Variants in ZNF385D observed in about 807,000 individuals in gnomAD.
The protein encoded by ZNF385D is zinc finger protein 659.
Under a neutral mutation model 35.8 loss-of-function variants are expected in ZNF385D, and 15 were observed. The ratio of observed to expected loss-of-function variants is 0.42; its 90% CI spans 0.28 to 0.64. The LOEUF is 0.64. Among genes scored for constraint, ZNF385D ranks in the 30% least tolerant of loss-of-function variants. The pLI is 0.23. For missense variants in ZNF385D, 474 were observed against 494.6 expected, an observed-to-expected ratio of 0.96 and a Z score of 0.39; for synonymous variants, 212 against 186.8, an observed-to-expected ratio of 1.13 and a Z score of -1.10.
chr3:22,117,919 A>C (rs1408883660), intron 3 of ZNF385D, among the ~76,000 whole-genome samples: 1 of 152,090 alleles, frequency 6.6e-6, no homozygotes, highest in Admixed American at 6.6e-5. Context: ...ATTTCTTAAC[A>C]TCTGAACATG....
chr3:21,531,903 A>C (rs1281442214), intron 3 of ZNF385D, among the ~76,000 whole-genome samples: 1 of 152,170 alleles, frequency 6.6e-6, no homozygotes, highest in Non-Finnish European at 1.5e-5. Flanking sequence ...GGTAATAATG[A>C]TGTGTCAGTG....
chr3:21,739,257 T>G (rs1394195738), intron 1 of ZNF385D, among the ~76,000 whole-genome samples: 5 of 152,176 alleles, frequency 3.3e-5, no homozygotes, highest in African/African-American at 1.2e-4. Context: ...CCATAAACAT[T>G]TACGAATCCG....
chr3:22,158,679 TACACACAC>T (rs141782698), intron 3 of ZNF385D, among the ~76,000 whole-genome samples: 1 of 149,832 alleles, frequency 6.7e-6, no homozygotes, highest in African/African-American at 2.5e-5. Context: ...CACACACACA[TACACACAC>T]ACACACATTC....
chr3:21,820,004 T>A (rs2073334543), intron 3 of ZNF385D, among the ~76,000 whole-genome samples: 1 of 150,964 alleles, frequency 6.6e-6, no homozygotes, highest in South Asian at 2.1e-4. Context: ...ATCATCATAA[T>A]ACACACAAAG....
At chr3:21,591,021 C>T (rs2063960211) in intron 2 of ZNF385D, among the ~76,000 whole-genome samples, 1 of 151,760 alleles carries the variant, frequency 6.6e-6, no homozygotes, top group Non-Finnish European at 1.5e-5. Flanking sequence ...ATAGCAAGAC[C>T]TTGTCTCCCC....
chr3:21,791,943 T>A (rs1322837281), intron 3 of ZNF385D, among the ~76,000 whole-genome samples: 1 of 152,064 alleles, frequency 6.6e-6, no homozygotes, highest in African/African-American at 2.4e-5. Flanking sequence ...CCATCTTGGC[T>A]AGGATGGTCT....
intron 2 of ZNF385D, among the ~76,000 whole-genome samples, chr3:21,610,654 G>A (rs2064644670): frequency 6.6e-6 from 1 of 151,802 alleles, no homozygotes; most frequent in African/African-American, 2.4e-5. Context: ...GGGCGCCTGT[G>A]GTCCCAGCTA....
At chr3:22,301,440 C>G (rs1158458427) in intron 2 of ZNF385D, among the ~76,000 whole-genome samples, 4 of 151,868 alleles carry the variant, frequency 2.6e-5, no homozygotes, top group African/African-American at 9.7e-5. Flanking sequence ...CTTCTCACCA[C>G]AAAGGAATAA....
At chr3:21,887,439 A>T (rs956223660) in intron 3 of ZNF385D, among the ~76,000 whole-genome samples, 1 of 152,202 alleles carries the variant, frequency 6.6e-6, no homozygotes, top group African/African-American at 2.4e-5. Context: ...AACAACTAAA[A>T]TCTGAATGTT....
intron 1 of ZNF385D, among the ~76,000 whole-genome samples, chr3:21,712,521 AT>A (rs1235359351): frequency 2.6e-5 from 4 of 152,236 alleles, no homozygotes; most frequent in Admixed American, 2.6e-4. Flanking sequence ...CCATTATCAA[AT>A]TTATTTTAAA....
chr3:22,212,669 G>T (rs759916264), intron 2 of ZNF385D, among the ~76,000 whole-genome samples: 1 of 151,896 alleles, frequency 6.6e-6, no homozygotes, highest in Non-Finnish European at 1.5e-5. Flanking sequence ...ATTTAGGTGG[G>T]AAAATGTAAA....
At chr3:21,980,821 G>C (rs1374160199) in intron 3 of ZNF385D, among the ~76,000 whole-genome samples, 1 of 151,998 alleles carries the variant, frequency 6.6e-6, no homozygotes, top group Non-Finnish European at 1.5e-5. Flanking sequence ...GTAATATTTG[G>C]TTTTCTGTTC....
chr3:22,164,241 T>C (rs1706163118), intron 3 of ZNF385D, among the ~76,000 whole-genome samples: 1 of 82,264 alleles, frequency 1.2e-5, no homozygotes, highest in African/African-American at 7.9e-5. Context: ...TTTTTTTTTT[T>C]TTTTTTGAGA....
intron 3 of ZNF385D, among the ~76,000 whole-genome samples, chr3:21,980,246 G>C (rs909328465): frequency 6.6e-6 from 1 of 152,152 alleles, no homozygotes; most frequent in Non-Finnish European, 1.5e-5. Flanking sequence ...CAAGCTTTCA[G>C]TTAATTCAGC....
At chr3:21,925,925 G>C (rs1454188180) in intron 3 of ZNF385D, among the ~76,000 whole-genome samples, 1 of 152,018 alleles carries the variant, frequency 6.6e-6, no homozygotes, top group Non-Finnish European at 1.5e-5. Flanking sequence ...ATACCACACT[G>C]AGCTATTACT....
At chr3:21,814,561 C>T (rs1214548210) in intron 3 of ZNF385D, among the ~76,000 whole-genome samples, 1 of 151,990 alleles carries the variant, frequency 6.6e-6, no homozygotes, top group Non-Finnish European at 1.5e-5. Context: ...GACTTTAAAC[C>T]AACAAAGATC....
intron 2 of ZNF385D, among the ~76,000 whole-genome samples, chr3:21,630,703 T>C (rs1307562592): frequency 1.3e-5 from 2 of 152,120 alleles, no homozygotes; most frequent in Non-Finnish European, 2.9e-5. Context: ...GACTTACTAA[T>C]CATTTTTCTC....
chr3:22,272,145 T>A (rs1701210045), intron 2 of ZNF385D, among the ~76,000 whole-genome samples: 1 of 152,046 alleles, frequency 6.6e-6, no homozygotes, highest in Non-Finnish European at 1.5e-5. Flanking sequence ...ACACTCAAGA[T>A]AATTTCCCAA....
At position 22,309,943 on chromosome 3, in the gene ZNF385D, G is replaced by A. The variant is rs139563926; in HGVS notation, c.106+62507C>T. Among the ~76,000 whole-genome samples the A allele has an allele frequency of 1.4e-4, 22 of 152,060 alleles. No individual in the cohort carries two copies. In the East Asian group the frequency reaches 1.5e-3, roughly 11 times the overall value. On this transcript the variant is annotated intron_variant, in intron 2 of 5. Transcript: ENST00000494108. ...AAGTATAATAAATAGGAGAAAACTC[G>A]CTAATTCCCAATAAAGCCATGGAGG...
Sources: gnomAD v4.1 joint callset for allele counts (sites outside exome capture counted in the v4.1 genomes callset) on GRCh38, gnomAD v4.1.1 for gene constraint, MANE v1.5 for transcripts, NCBI Gene and HGNC (gene_info 2026-07-23, HGNC 2026-07-21) for gene names.